Variants in NLGN1 observed in about 807,000 individuals in gnomAD.
NLGN1 encodes the protein neuroligin 1.
NLGN1 carries 12 observed loss-of-function variants against 65.5 expected under a neutral mutation model. The observed-to-expected ratio is 0.18, with a 90% CI of 0.12 to 0.30. The LOEUF is 0.30. Among genes scored for constraint, NLGN1 ranks in the 10% least tolerant of loss-of-function variants. NLGN1 has a pLI of 1.00. For missense variants in NLGN1, 750 were observed against 1,007.1 expected (o/e 0.74, Z 3.46); for synonymous variants, 350 against 359.5 (o/e 0.97, Z 0.30).
At chr3:173,548,306 A>G (rs1282823028) in intron 2 of NLGN1, among the ~76,000 whole-genome samples, 1 of 152,160 alleles carries the variant, frequency 6.6e-6, no homozygotes, top group Non-Finnish European at 1.5e-5. Context: ...ACATTTGACC[A>G]AGGCAGACGA....
At chr3:173,862,294 C>T (rs1442683672) in intron 4 of NLGN1, among the ~76,000 whole-genome samples, 1 of 151,032 alleles carries the variant, frequency 6.6e-6, no homozygotes, top group Non-Finnish European at 1.5e-5. Context: ...ATCACGAGGT[C>T]GGGAGATCGA....
chr3:173,634,971 A>G (rs1466474383), intron 3 of NLGN1, among the ~76,000 whole-genome samples: 1 of 152,194 alleles, frequency 6.6e-6, no homozygotes, highest in East Asian at 1.9e-4. Flanking sequence ...GGATTTTATC[A>G]TTATGAGACA....
intron 4 of NLGN1, among the ~76,000 whole-genome samples, chr3:173,999,396 T>C (rs1722862894): frequency 6.6e-6 from 1 of 152,164 alleles, no homozygotes; most frequent in African/African-American, 2.4e-5. Context: ...TCATTTGAAG[T>C]ACTTGGTCAT....
At chr3:173,784,746 T>TGAA (rs35915002) in intron 3 of NLGN1, among the ~76,000 whole-genome samples, 29,473 of 151,972 alleles carry the variant, frequency 0.19, 4,204 homozygotes, top group African/African-American at 0.41. Context: ...AAAGACATTC[T>TGAA]GAAGAAGAGA....
intron 2 of NLGN1, among the ~76,000 whole-genome samples, chr3:173,513,749 G>C (rs1054661541): frequency 2.0e-5 from 3 of 151,852 alleles, no homozygotes; most frequent in Admixed American, 2.0e-4. Flanking sequence ...TGTGTTGGCT[G>C]GGCATGTGGC....
chr3:174,043,700 C>T (rs1732866416), intron 4 of NLGN1, among the ~76,000 whole-genome samples: 1 of 152,228 alleles, frequency 6.6e-6, no homozygotes. Flanking sequence ...GCTGCTTTCA[C>T]AGGTTGGTGT....
intron 2 of NLGN1, among the ~76,000 whole-genome samples, chr3:173,478,227 A>G (rs749240691): frequency 5.3e-5 from 8 of 152,216 alleles, no homozygotes; most frequent in African/African-American, 1.7e-4. Context: ...GCAGGCATCA[A>G]AAGAATGAGA....
At chr3:173,810,507 A>T (rs1392430045) in intron 4 of NLGN1, among the ~76,000 whole-genome samples, 1 of 152,230 alleles carries the variant, frequency 6.6e-6, no homozygotes, top group Non-Finnish European at 1.5e-5. Flanking sequence ...AAACTGGGTA[A>T]TTACAAGATC....
At chr3:173,702,404 G>A (rs1767364843) in intron 3 of NLGN1, among the ~76,000 whole-genome samples, 1 of 108,304 alleles carries the variant, frequency 9.2e-6, no homozygotes, top group African/African-American at 4.7e-5. Flanking sequence ...AATGAGACAT[G>A]GCCCTTGCTC....
At chr3:174,066,306 GT>G (rs977077689) in intron 4 of NLGN1, among the ~76,000 whole-genome samples, 67 of 148,506 alleles carry the variant, frequency 4.5e-4, no homozygotes, top group African/African-American at 1.3e-3. Flanking sequence ...TTATGGACAG[GT>G]TTTTTTTTTA....
intron 2 of NLGN1, among the ~76,000 whole-genome samples, chr3:173,578,150 G>A (rs1390278498): frequency 6.6e-6 from 1 of 151,558 alleles, no homozygotes; most frequent in African/African-American, 2.4e-5. Context: ...GCAGGAGAAT[G>A]GCATGAACCC....
chr3:174,237,812 C>T (rs1229876815), intron 4 of NLGN1, among the ~76,000 whole-genome samples: 1 of 152,186 alleles, frequency 6.6e-6, no homozygotes, highest in Non-Finnish European at 1.5e-5. Flanking sequence ...CTGCTTCAGC[C>T]TCCCAAAGTG....
chr3:173,829,927 T>C (rs1362273389), intron 4 of NLGN1, among the ~76,000 whole-genome samples: 1 of 150,962 alleles, frequency 6.6e-6, no homozygotes, highest in East Asian at 2.0e-4. Context: ...AATAGCTAAT[T>C]GATCCAAACG....
chr3:173,747,648 T>C (rs1202157071), intron 3 of NLGN1, among the ~76,000 whole-genome samples: 1 of 150,972 alleles, frequency 6.6e-6, no homozygotes, highest in African/African-American at 2.4e-5. Flanking sequence ...CCTTTTTACC[T>C]GATGACTAAG....
intron 4 of NLGN1, among the ~76,000 whole-genome samples, chr3:174,250,068 T>C (rs970064157): frequency 6.6e-6 from 1 of 152,128 alleles, no homozygotes; most frequent in Admixed American, 6.5e-5. Flanking sequence ...AAAAAGATCA[T>C]ACATAAAGCC....
intron 4 of NLGN1, among the ~76,000 whole-genome samples, chr3:174,066,516 GTCTCTCTCTCTCTC>G (rs373763421): frequency 3.0e-3 from 202 of 67,032 alleles, no homozygotes; most frequent in Admixed American, 8.1e-3. Flanking sequence ...TATGGAACAA[GTCTCTCTCTCTCTC>G]TCTCTCTCTC....
intron 4 of NLGN1, among the ~76,000 whole-genome samples, chr3:173,815,231 C>G (rs1402583942): frequency 6.6e-6 from 1 of 151,806 alleles, no homozygotes; most frequent in African/African-American, 2.4e-5. Context: ...CTGACTCAGC[C>G]TCCCAAGTAG....
intron 4 of NLGN1, among the ~76,000 whole-genome samples, chr3:174,097,505 A>G (rs138742025): frequency 2.6e-5 from 4 of 152,308 alleles, no homozygotes; most frequent in South Asian, 2.1e-4. Context: ...TTTTAATATA[A>G]TGTACATGAG....
intron 4 of NLGN1, among the ~76,000 whole-genome samples, chr3:173,911,964 A>G (rs904347482): frequency 2.0e-5 from 3 of 152,202 alleles, no homozygotes; most frequent in Non-Finnish European, 4.4e-5. Flanking sequence ...ATCTTTCAGG[A>G]TAATAATAAT....
Sources: allele counts gnomAD v4.1 joint callset (sites outside exome capture counted in the v4.1 genomes callset), GRCh38; gene constraint gnomAD v4.1.1; transcripts MANE v1.5; gene names NCBI Gene and HGNC (gene_info 2026-07-23, HGNC 2026-07-21).